STARD9: variants seen among roughly 807,000 people sequenced by gnomAD.
STARD9 encodes the protein stAR-related lipid transfer protein 9.
Under a neutral mutation model 399.8 loss-of-function variants are expected in STARD9, and 346 were observed. The observed-to-expected ratio is 0.87, with a 90% CI of 0.79 to 0.95. The LOEUF (loss-of-function observed/expected upper bound fraction) is 0.95, where lower values mean the gene tolerates loss of function less well. STARD9 is among the 40% of genes least tolerant of loss of function. STARD9 has a pLI of 0.00. For missense variants in STARD9, 5,832 were observed against 5,667.5 expected (o/e 1.03, Z -0.93); for synonymous variants, 2,203 against 2,143.5 (o/e 1.03, Z -0.77).
chr15:42,681,512 C>A lies in STARD9; in HGVS notation c.1965C>A (p.Ser655Arg). Residue 655 changes from serine (S) to arginine (R), a missense_variant, in exon 21 of 33, where the codon AGC (serine) becomes AGA (arginine). By Grantham distance (110) the Ser-to-Arg change is moderately radical (BLOSUM62 -1). Coordinates refer to ENST00000290607, the MANE Select transcript of STARD9 (RefSeq NM_020759.3). The stretch of plus-strand genomic sequence containing the variant: ...GGGCCCAGATTCAGCAGCAGCAGAG[C>A]TACGTAGAGGATTTGAGGCATCAAA... ...SHRAQIQQQQ[S>R]YVEDLRHQIL... 1 of 1,537,140 alleles carries A rather than the reference C, an allele frequency of 6.5e-7. No homozygotes were observed. The highest frequency in any genetic ancestry group is 2.4e-5 in the East Asian group (1 of 40,906).
Position 42,575,629 on chromosome 15 carries a change from C to T in STARD9, c.-87C>T, listed in dbSNP as rs907235751. 20 of 1,423,396 alleles carry T rather than the reference C, an allele frequency of 1.4e-5. No homozygotes were observed. Among genetic ancestry groups the T allele is most frequent in the Non-Finnish European group, 1.9e-5 (20 of 1,052,584 alleles). 88.2% of individuals were successfully genotyped at this position (1,423,396 alleles called of 1,614,324 possible). ...CCAGAGGCGCGTGGGGCGGGCGGGG[C>T]TGGGTTGGGGCTGTGTCTGGGCTTA... On this transcript the variant is annotated 5_prime_UTR_variant, in exon 1 of 33. Coordinates refer to ENST00000290607, the MANE Select transcript of STARD9 (RefSeq NM_020759.3).
chr15:42,623,939 G>C (rs556444503), intron 3 of STARD9, among the ~76,000 whole-genome samples: 10 of 152,226 alleles, frequency 6.6e-5, no homozygotes, highest in African/African-American at 2.2e-4. Context: ...AATTATGTCA[G>C]TTAACTTCTA....
intron 3 of STARD9, among the ~76,000 whole-genome samples, chr15:42,604,340 G>C (rs2058688302): frequency 6.6e-6 from 1 of 152,098 alleles, no homozygotes; most frequent in Non-Finnish European, 1.5e-5. Flanking sequence ...TATAATATGT[G>C]ATTATTCTAC....
rs141731167 is a variant in STARD9 at position 42,663,821 on chromosome 15, G to A, written c.1080G>A (p.Thr360=). The change falls in exon 13 of 33, where the codon ACG becomes ACA. Residue 360 remains threonine, a splice_region_variant and synonymous_variant. Coordinates refer to ENST00000290607, the MANE Select transcript of STARD9 (RefSeq NM_020759.3). Reference sequence around the variant, plus strand: ...TTAAACTTTCTCCTTCTACCTCAGCGGTGTCTCCTGCACACACTAGCTACA... The same window carrying A: ...TTAAACTTTCTCCTTCTACCTCAGCAGTGTCTCCTGCACACACTAGCTACA... ...GGNSKTIMVA[T]VSPAHTSYSE... The A allele has an allele frequency of 3.4e-5, 52 of 1,534,510 alleles. No homozygotes were observed. The highest frequency in any genetic ancestry group is 3.2e-4 in the East Asian group (13 of 40,908).
chr15:42,620,351 C>T (rs911825955), intron 3 of STARD9, among the ~76,000 whole-genome samples: 12 of 151,356 alleles, frequency 7.9e-5, no homozygotes, highest in South Asian at 2.1e-4. Context: ...CATGGTGGCT[C>T]GCACCTGTAT....
chr15:42,692,886 A>T lies in STARD9; in HGVS notation c.11308A>T (p.Thr3770Ser). 1 of 1,537,188 alleles carries T rather than the reference A, an allele frequency of 6.5e-7. No individual in the cohort carries two copies. The highest frequency in any genetic ancestry group is 8.7e-7 in the Non-Finnish European group (1 of 1,146,878). ...TGAAGGGCTAGGCTCAGATACCTCGACTGTGTCTCAAGAAGAGGGAGATGT... is the reference window on the plus strand; with the variant it reads ...TGAAGGGCTAGGCTCAGATACCTCGTCTGTGTCTCAAGAAGAGGGAGATGT... ...ILEGLGSDTS[T>S]VSQEEGDVPG... The change falls in exon 23 of 33, where the codon ACT becomes TCT. Residue 3770 changes from threonine (T) to serine (S), a missense_variant. Coordinates refer to ENST00000290607, the MANE Select transcript of STARD9 (RefSeq NM_020759.3).
In STARD9 at chr15:42,691,190, G is replaced by A. The variant is rs1306615680; in HGVS notation, c.9612G>A (p.Gln3204=). Reference sequence around the variant, plus strand: ...GGTTAAAACATACCTGCAGCCCCCAGGAAGACAGTCCCTGGCAGGAAGAAG... The same window carrying A: ...GGTTAAAACATACCTGCAGCCCCCAAGAAGACAGTCCCTGGCAGGAAGAAG... ...VARLKHTCSP[Q]EDSPWQEEEQ... The change falls in exon 23 of 33, where the codon CAG becomes CAA. Residue 3204 remains glutamine, a synonymous_variant. Coordinates refer to ENST00000290607, the MANE Select transcript of STARD9 (RefSeq NM_020759.3). 5.9e-6 allele frequency: 9 copies of A among 1,537,144 alleles called. No individual in the cohort carries two copies. Among genetic ancestry groups the A allele is most frequent in the African/African-American group, 1.4e-5 (1 of 73,050 alleles).
intron 13 of STARD9, 115 bp from the exon 14 acceptor site, chr15:42,665,138 T>C (rs2140113641): frequency 1.3e-6 from 1 of 761,184 alleles, no homozygotes. Flanking sequence ...GAATGACTGC[T>C]GTAGAGACTA....
rs1399504284 is a variant in STARD9 at position 42,692,508 on chromosome 15, A to T, written c.10930A>T (p.Thr3644Ser). 1.2e-5 allele frequency: 19 copies of T among 1,537,102 alleles called. No individual in the cohort carries two copies. Among genetic ancestry groups the T allele is most frequent in the Admixed American group, 2.0e-5 (1 of 50,994 alleles). The change falls in exon 23 of 33, where the codon ACC becomes TCC. Residue 3644 changes from threonine (T) to serine (S), a missense_variant. Transcript: ENST00000290607. ...RTNTFEQGTQ[T>S]LGSRRHWSST... ...GAACACATTCGAACAGGGCACACAG[A>T]CCCTCGGCAGCAGGCGCCACTGGAG... is the stretch of plus-strand genomic sequence containing the variant.
intron 3 of STARD9, among the ~76,000 whole-genome samples, chr15:42,613,358 A>G (rs1195667532): frequency 6.6e-6 from 1 of 152,146 alleles, no homozygotes; most frequent in Non-Finnish European, 1.5e-5. Context: ...CAAAGAGGGG[A>G]TATTTTAGGA....
chr15:42,648,718 T>A (rs1355260113), intron 7 of STARD9, among the ~76,000 whole-genome samples: 4 of 152,138 alleles, frequency 2.6e-5, no homozygotes, highest in African/African-American at 7.2e-5. Flanking sequence ...TATCTTCTTA[T>A]CAGTTTTGGA....
intron 26 of STARD9, among the ~76,000 whole-genome samples, chr15:42,702,273 A>C (rs1308730859): frequency 6.6e-5 from 10 of 152,014 alleles, no homozygotes; most frequent in Admixed American, 6.6e-4. Context: ...GCACAATCTC[A>C]GTTCACTGCA....
At chr15:42,670,271 A>G (rs990994117) in intron 16 of STARD9, 2 of 152,186 alleles carry the variant, frequency 1.3e-5, no homozygotes, top group Admixed American at 1.3e-4. Flanking sequence ...GGGAGGGTCC[A>G]AAGAGCTAGA....
intron 3 of STARD9, among the ~76,000 whole-genome samples, chr15:42,587,167 A>T (rs1275002616): frequency 6.6e-6 from 1 of 152,224 alleles, no homozygotes; most frequent in Non-Finnish European, 1.5e-5. Context: ...TAAAGCTTTT[A>T]ATAATTATGT....
rs1454038519 is a variant in STARD9 at position 42,687,278 on chromosome 15, C to T, written c.5700C>T (p.Asp1900=). The T allele has an allele frequency of 6.5e-7, 1 of 1,536,876 alleles. No individual in the cohort carries two copies. Among genetic ancestry groups the T allele is most frequent in the Non-Finnish European group, 8.7e-7 (1 of 1,146,894 alleles). Residue 1900 remains aspartate, a synonymous_variant, in exon 23 of 33, where the codon GAC becomes GAT. Transcript: ENST00000290607. ...TAQSCCGASS[D]STESGKSLLF... is the part of the protein sequence containing the mutation. ...AGTCCTGTTGCGGTGCTTCCTCAGA[C>T]AGCACTGAGTCTGGGAAGTCTCTCC...
intron 9 of STARD9, among the ~76,000 whole-genome samples, chr15:42,654,827 C>T (rs943737153): frequency 1.3e-5 from 2 of 152,168 alleles, no homozygotes; most frequent in Non-Finnish European, 2.9e-5. Context: ...TGGGTAGAAT[C>T]AGTATTGTGA....
intron 26 of STARD9, among the ~76,000 whole-genome samples, chr15:42,699,574 T>C (rs1032780780): frequency 7.9e-5 from 12 of 151,306 alleles, no homozygotes; most frequent in Middle Eastern, 3.2e-3. Context: ...TTTGTGTTTT[T>C]AGTAGAGATG....
At chr15:42,581,996 G>C (rs2058182857) in intron 1 of STARD9, among the ~76,000 whole-genome samples, 1 of 152,132 alleles carries the variant, frequency 6.6e-6, no homozygotes, top group Non-Finnish European at 1.5e-5. Flanking sequence ...AAAATTAGCT[G>C]GGCATGGTAG....
chr15:42,685,467 T>G lies in STARD9; in HGVS notation c.3889T>G (p.Cys1297Gly), dbSNP rs988488445. 4.4e-5 allele frequency: 68 copies of G among 1,530,934 alleles called. 1 individual carries two copies. In the African/African-American group the frequency reaches 5.0e-4, roughly 11 times the overall value. 94.8% of individuals were successfully genotyped at this position (1,530,934 alleles called of 1,614,324 possible). A position where few individuals can be genotyped will look rare whatever the true frequency, so the allele number is the denominator to read the frequency against. ...LQPHCELQPH[C>G]ELQPHCEQAE... ...ACCCCATTGTGAGCTCCAACCCCAT[T>G]GTGAGCTCCAGCCCCATTGTGAGCA... Residue 1297 changes from cysteine (C) to glycine (G), a missense_variant, in exon 23 of 33, where the codon TGT becomes GGT. Coordinates refer to ENST00000290607, the MANE Select transcript of STARD9 (RefSeq NM_020759.3).
Sources: allele counts gnomAD v4.1 joint callset (sites outside exome capture counted in the v4.1 genomes callset), GRCh38; gene constraint gnomAD v4.1.1; transcripts MANE v1.5; gene names NCBI Gene and HGNC (gene_info 2026-07-23, HGNC 2026-07-21).